The following KCNK9 variants were observed in gnomAD, a reference collection of about 807,000 sequenced individuals.
KCNK9 encodes potassium two pore domain channel subfamily K member 9.
In KCNK9, 1 loss-of-function variant was observed where a neutral mutation model predicts 10.8. That is an observed-to-expected ratio of 0.09 (90% CI 0.03 to 0.44). KCNK9 has a LOEUF of 0.44. Ranked by LOEUF, KCNK9 falls within the 20% of genes least tolerant of loss-of-function variation. KCNK9 has a pLI of 0.97. For synonymous variants in KCNK9, 231 were observed against 222.7 expected (o/e 1.04, Z -0.33); for missense variants, 303 against 515.0 (o/e 0.59, Z 3.98).
intron 1 of KCNK9, among the ~76,000 whole-genome samples, chr8:139,700,571 T>C (rs918753301): frequency 3.3e-5 from 5 of 151,228 alleles, no homozygotes; most frequent in African/African-American, 7.3e-5. Context: ...CACATTTTTT[T>C]CCCAACCTTT....
chr8:139,619,115 G>T lies in KCNK9; in HGVS notation c.284-16C>A. On this transcript the variant is annotated splice_polypyrimidine_tract_variant and intron_variant, in intron 1 of 1. Transcript: ENST00000520439. ...TGCCCATAACCTGTGGGAAGGGGAT[G>T]AGAAGAACAGAGAGAGCAAGTGAGG... is the stretch of plus-strand genomic sequence containing the variant. The T allele has an allele frequency of 6.2e-7, 1 of 1,613,380 alleles. No individual in the cohort carries two copies.
At chr8:139,613,336 A>C (rs760180850), downstream of KCNK9, among the ~76,000 whole-genome samples, 18 of 152,172 alleles carry the variant, frequency 1.2e-4, no homozygotes, top group Admixed American at 9.2e-4. Context: ...GACCGTGGTC[A>C]TAGATTTGCT....
At chr8:139,628,523 C>T (rs898114224) in intron 1 of KCNK9, among the ~76,000 whole-genome samples, 8 of 152,214 alleles carry the variant, frequency 5.3e-5, no homozygotes, top group African/African-American at 1.9e-4. Context: ...ATGGCCCCCT[C>T]GTCTTCCACA....
chr8:139,668,865 G>A (rs899383686), intron 1 of KCNK9, among the ~76,000 whole-genome samples: 8 of 152,134 alleles, frequency 5.3e-5, no homozygotes, highest in African/African-American at 1.7e-4. Context: ...TCTTTAATCT[G>A]AGGCTCAACC....
Position 139,618,777 on chromosome 8 carries a change from G to T in KCNK9, c.606C>A (p.Phe202Leu). 6.2e-7 allele frequency: 1 copy of T among 1,614,164 alleles called. No individual in the cohort carries two copies. The highest frequency in any genetic ancestry group is 8.5e-7 in the Non-Finnish European group (1 of 1,180,034). ...TGGTCTGCAGGGCCACGTAGTCCCCGAACCCAATGGTAGTCAACGTGATGA... is the reference window on the plus strand; with the variant it reads ...TGGTCTGCAGGGCCACGTAGTCCCCTAACCCAATGGTAGTCAACGTGATGA... ...YCFITLTTIGFGDYVALQTKG... is the reference protein window; with the variant it reads ...YCFITLTTIGLGDYVALQTKG... The change falls in exon 2 of 2, where the codon TTC (phenylalanine) becomes TTA (leucine). Residue 202 changes from phenylalanine to leucine, a missense_variant. Physicochemically the swap from Phe to Leu is conservative, Grantham distance 22. Around this residue, in one of 5 missense-constraint regions of KCNK9, gnomAD observed 53 missense variants for 134.9 expected, o/e 0.39. Transcript: ENST00000520439. The surrounding 1 kb of genome is among the most constrained non-coding windows in gnomAD (Gnocchi z 7.9).
At chr8:139,633,315 T>C (rs939609991) in intron 1 of KCNK9, among the ~76,000 whole-genome samples, 3 of 152,098 alleles carry the variant, frequency 2.0e-5, no homozygotes, top group Admixed American at 6.5e-5. Context: ...TATCTAACTA[T>C]AGTAAACATG....
downstream of KCNK9, among the ~76,000 whole-genome samples, chr8:139,613,126 T>C (rs936141408): frequency 1.4e-4 from 21 of 152,230 alleles, no homozygotes; most frequent in African/African-American, 4.6e-4. Context: ...AGTGCTCTTG[T>C]TCATGGCGGA....
At chr8:139,678,423 G>A (rs1407478249) in intron 1 of KCNK9, among the ~76,000 whole-genome samples, 2 of 152,318 alleles carry the variant, frequency 1.3e-5, no homozygotes, top group Admixed American at 1.3e-4. Flanking sequence ...CCCCACTCCT[G>A]CTCAGGGCAA....
chr8:139,605,545 AG>A (rs1817467248), intron 2 of KCNK9, among the ~76,000 whole-genome samples: 8 of 152,270 alleles, frequency 5.3e-5, no homozygotes, highest in Admixed American at 5.2e-4. Flanking sequence ...CTCTGCTTTC[AG>A]AATGTGGTTT....
chr8:139,633,204 A>C (rs1388319858), intron 1 of KCNK9, among the ~76,000 whole-genome samples: 1 of 152,142 alleles, frequency 6.6e-6, no homozygotes, highest in Non-Finnish European at 1.5e-5. Context: ...ACATGCTTAC[A>C]TACATACAGA....
intron 1 of KCNK9, among the ~76,000 whole-genome samples, chr8:139,657,989 T>C (rs185465294): frequency 1.3e-5 from 2 of 152,292 alleles, no homozygotes; most frequent in Admixed American, 6.5e-5. Flanking sequence ...TGGGCAGATA[T>C]ATGGACAATG....
At chr8:139,692,825 A>G (rs1457125409) in intron 1 of KCNK9, among the ~76,000 whole-genome samples, 1 of 152,136 alleles carries the variant, frequency 6.6e-6, no homozygotes, top group East Asian at 1.9e-4. Flanking sequence ...GTGGCCTGGC[A>G]CTGCCTGTTT....
At chr8:139,608,424 G>A (rs1456576985), downstream of KCNK9, among the ~76,000 whole-genome samples, 1 of 152,246 alleles carries the variant, frequency 6.6e-6, no homozygotes, top group Non-Finnish European at 1.5e-5. Context: ...TTCCTTCGCA[G>A]ACGGGGAAAC....
chr8:139,630,390 T>TGCC (rs920697777), intron 1 of KCNK9, among the ~76,000 whole-genome samples: 13 of 152,078 alleles, frequency 8.5e-5, no homozygotes, highest in South Asian at 2.1e-4. Context: ...TCCTGGGCTC[T>TGCC]GCCGCCGCCG....
At chr8:139,676,968 C>T (rs1013397992) in intron 1 of KCNK9, among the ~76,000 whole-genome samples, 1 of 152,078 alleles carries the variant, frequency 6.6e-6, no homozygotes, top group Non-Finnish European at 1.5e-5. Flanking sequence ...AACAAACAAA[C>T]AAACAGACAG....
intron 2 of KCNK9, among the ~76,000 whole-genome samples, chr8:139,607,241 C>T (rs1208182203): frequency 1.3e-5 from 2 of 152,206 alleles, no homozygotes; most frequent in African/African-American, 2.4e-5. Context: ...CTGCTCCCTG[C>T]TCCTTGGCAC....
At chr8:139,682,413 G>C (rs1347426597) in intron 1 of KCNK9, among the ~76,000 whole-genome samples, 1 of 152,154 alleles carries the variant, frequency 6.6e-6, no homozygotes, top group Non-Finnish European at 1.5e-5. Flanking sequence ...CACGACACAG[G>C]GTGGCAGGTG....
intron 1 of KCNK9, among the ~76,000 whole-genome samples, chr8:139,656,282 C>T (rs1816017980): frequency 6.6e-6 from 1 of 152,298 alleles, no homozygotes; most frequent in South Asian, 2.1e-4. Context: ...GCAGCCCGAG[C>T]AGAGAGCCCA....
rs60893981 is a variant in KCNK9 at position 139,691,171 on chromosome 8, G to A, written c.283+11539C>T. 3.6e-3 allele frequency among the ~76,000 whole-genome samples: 551 copies of A among 152,244 alleles called. 1 individual carries two copies. The highest frequency in any genetic ancestry group is 0.013 in the African/African-American group (524 of 41,540). On this transcript the variant is annotated intron_variant, in intron 1 of 1. Coordinates refer to ENST00000520439, the MANE Select transcript of KCNK9 (RefSeq NM_001282534.2). ...ACAAGGCAAACTGTCCCCATCCCTG[G>A]AGCTGAAATGGGTCTACAGGCTCCC...
Sources: allele counts gnomAD v4.1 joint callset (sites outside exome capture counted in the v4.1 genomes callset), GRCh38; gene constraint gnomAD v4.1.1; regional missense constraint gnomAD v4.1.1; non-coding constraint Gnocchi (gnomAD v3.1); transcripts MANE v1.5; gene names NCBI Gene and HGNC (gene_info 2026-07-23, HGNC 2026-07-21).